The following DLGAP2 variants were observed in gnomAD, a reference collection of about 807,000 sequenced individuals.
The protein encoded by DLGAP2 is disks large-associated protein 2.
Under a neutral mutation model 100.3 loss-of-function variants are expected in DLGAP2, and 26 were observed. The ratio of observed to expected loss-of-function variants is 0.26; its 90% CI spans 0.19 to 0.36. The LOEUF is 0.36. DLGAP2 is among the 10% of genes least tolerant of loss of function. DLGAP2 has a pLI of 1.00. For missense variants in DLGAP2, 1,858 were observed against 1,453.2 expected (o/e 1.28, Z -4.53); for synonymous variants, 886 against 630.1 (o/e 1.41, Z -6.08).
At chr8:1,182,412 G>C (rs1162288216) in intron 2 of DLGAP2, among the ~76,000 whole-genome samples, 1 of 152,240 alleles carries the variant, frequency 6.6e-6, no homozygotes, top group Non-Finnish European at 1.5e-5. Context: ...AGTAGGACCT[G>C]AGCGTGCATT....
At position 1,423,517 on chromosome 8, in the gene DLGAP2, G is replaced by A. The variant is rs181669967; in HGVS notation, c.107-77849G>A. Among the ~76,000 whole-genome samples, 125 of 152,336 alleles carry A rather than the reference G, an allele frequency of 8.2e-4. 1 individual carries two copies. Among genetic ancestry groups the A allele is most frequent in the African/African-American group, 2.9e-3 (119 of 41,568 alleles). Reference sequence around the variant, plus strand: ...GGCACCAGCTTGTCAAGGCATCAGCGCTTTCAGGCCTAGGCTTAATACTCC... The same window carrying A: ...GGCACCAGCTTGTCAAGGCATCAGCACTTTCAGGCCTAGGCTTAATACTCC... On this transcript the variant is annotated intron_variant, in intron 3 of 14. Coordinates refer to ENST00000637795, the MANE Select transcript of DLGAP2 (RefSeq NM_001346810.2).
At chr8:1,473,736 G>T (rs144810168) in intron 3 of DLGAP2, among the ~76,000 whole-genome samples, 48 of 152,272 alleles carry the variant, frequency 3.2e-4, no homozygotes, top group African/African-American at 1.1e-3. Flanking sequence ...ACTGAATCAT[G>T]GGGTGGGTCC....
At chr8:791,374 A>G (rs1425442021) in intron 1 of DLGAP2, among the ~76,000 whole-genome samples, 2 of 152,214 alleles carry the variant, frequency 1.3e-5, no homozygotes, top group African/African-American at 4.8e-5. Flanking sequence ...CAGTGTTATC[A>G]GGAGAAAACA....
chr8:878,655 G>A (rs1334325763), intron 1 of DLGAP2, among the ~76,000 whole-genome samples: 1 of 152,218 alleles, frequency 6.6e-6, no homozygotes, highest in Admixed American at 6.5e-5. Context: ...TTTGGTCCAC[G>A]AGGGACCCTC....
At chr8:1,126,869 C>T (rs1796176956) in intron 2 of DLGAP2, among the ~76,000 whole-genome samples, 1 of 151,932 alleles carries the variant, frequency 6.6e-6, no homozygotes, top group South Asian at 2.1e-4. Flanking sequence ...CTGGATTGTC[C>T]CTGGGGAAAC....
At chr8:855,889 G>A (rs371061575) in intron 1 of DLGAP2, among the ~76,000 whole-genome samples, 2 of 152,216 alleles carry the variant, frequency 1.3e-5, no homozygotes, top group African/African-American at 2.4e-5. Flanking sequence ...TAGGGATGGG[G>A]GAGAACTTCC....
chr8:1,197,481 C>A (rs549698268), intron 2 of DLGAP2, among the ~76,000 whole-genome samples: 1 of 152,240 alleles, frequency 6.6e-6, no homozygotes, highest in Non-Finnish European at 1.5e-5. Flanking sequence ...TGTTTATGTT[C>A]CATAAAGCTA....
chr8:1,363,264 A>G (rs1033484686), intron 3 of DLGAP2, among the ~76,000 whole-genome samples: 17 of 152,224 alleles, frequency 1.1e-4, no homozygotes, highest in Admixed American at 2.6e-4. Context: ...AAGCGCCCCC[A>G]CGCCCATGGC....
chr8:1,072,415 A>G (rs991019132), intron 2 of DLGAP2, among the ~76,000 whole-genome samples: 1 of 152,192 alleles, frequency 6.6e-6, no homozygotes. Context: ...ATTTGTAGAA[A>G]TCTTTACTGG....
intron 2 of DLGAP2, among the ~76,000 whole-genome samples, chr8:915,128 A>G (rs927831384): frequency 6.6e-6 from 1 of 152,134 alleles, no homozygotes; most frequent in Non-Finnish European, 1.5e-5. Context: ...GAGACTCTGA[A>G]ATCTCTTCCT....
intron 2 of DLGAP2, among the ~76,000 whole-genome samples, chr8:1,191,386 G>A (rs1370518346): frequency 6.6e-6 from 1 of 152,092 alleles, no homozygotes; most frequent in Non-Finnish European, 1.5e-5. Flanking sequence ...TAGCCAGGAT[G>A]GTCTTGATCT....
At position 1,155,160 on chromosome 8, in the gene DLGAP2, G is replaced by C. The variant is rs570674275; in HGVS notation, c.74-103691G>C. Among the ~76,000 whole-genome samples the C allele has an allele frequency of 2.4e-4, 36 of 152,280 alleles. 1 individual carries two copies. The East Asian group carries it at 6.8e-3, about 29-fold the overall frequency. On this transcript the variant is annotated intron_variant, in intron 2 of 14. Coordinates refer to ENST00000637795, the MANE Select transcript of DLGAP2 (RefSeq NM_001346810.2). ...CTGGGGCAGCGGCTGGCCGGGTCCC[G>C]TGTCCCCTGCGTCTCTCCTCTGCCC...
chr8:972,650 TTG>T (rs1251568560), intron 2 of DLGAP2, among the ~76,000 whole-genome samples: 1 of 151,816 alleles, frequency 6.6e-6, no homozygotes, highest in Non-Finnish European at 1.5e-5. Flanking sequence ...TTTATCATTC[TTG>T]TGTGTTTCTC....
At chr8:1,169,061 A>C (rs559398063) in intron 2 of DLGAP2, among the ~76,000 whole-genome samples, 1 of 149,100 alleles carries the variant, frequency 6.7e-6, no homozygotes, top group East Asian at 2.0e-4. Flanking sequence ...TTTTTGTATA[A>C]GGTGTAAGGA....
intron 2 of DLGAP2, among the ~76,000 whole-genome samples, chr8:1,080,436 T>C (rs1803767787): frequency 6.6e-6 from 1 of 152,230 alleles, no homozygotes; most frequent in South Asian, 2.1e-4. Flanking sequence ...CATCAGCCTG[T>C]GCACTCTGTG....
chr8:1,355,827 C>T (rs1047403045), intron 3 of DLGAP2, among the ~76,000 whole-genome samples: 4 of 152,156 alleles, frequency 2.6e-5, no homozygotes, highest in Admixed American at 6.5e-5. Context: ...GCCATGCCCA[C>T]CAGCCAGTCC....
chr8:940,307 C>T (rs1009203301), intron 2 of DLGAP2, among the ~76,000 whole-genome samples: 3 of 151,662 alleles, frequency 2.0e-5, no homozygotes, highest in East Asian at 1.9e-4. Context: ...CCAATGCCTG[C>T]GACATGAGGT....
intron 2 of DLGAP2, among the ~76,000 whole-genome samples, chr8:1,033,785 A>ACACTCATCC: frequency 1.4e-5 from 2 of 147,712 alleles, no homozygotes; most frequent in African/African-American, 5.1e-5. Context: ...GTGGGTTCAC[A>ACACTCATCC]CGCTCATCCC....
At chr8:1,571,375 A>AG (rs1445634624) in intron 6 of DLGAP2, among the ~76,000 whole-genome samples, 6 of 78,074 alleles carry the variant, frequency 7.7e-5, no homozygotes, top group African/African-American at 9.9e-5. Context: ...GAGAGGAGAG[A>AG]GGGGTGAACT....
Sources: allele counts gnomAD v4.1 joint callset (sites outside exome capture counted in the v4.1 genomes callset), GRCh38; gene constraint gnomAD v4.1.1; transcripts MANE v1.5; gene names NCBI Gene and HGNC (gene_info 2026-07-23, HGNC 2026-07-21).